Variants in TREX1 observed in about 807,000 individuals in gnomAD.
The protein encoded by TREX1 is three prime repair exonuclease 1.
In TREX1, 11 loss-of-function variants were observed where a neutral mutation model predicts 13.7. That is an observed-to-expected ratio of 0.80 (90% confidence interval 0.51 to 1.33). The LOEUF (loss-of-function observed/expected upper bound fraction) is 1.33. TREX1 is among the 40% of genes most tolerant of loss of function. The probability of loss-of-function intolerance (pLI) is 0.00; values close to 1 mark genes in which losing one functional copy is unlikely to be tolerated. For missense variants in TREX1, 409 were observed against 404.4 expected (o/e 1.01, Z -0.10); for synonymous variants, 178 against 178.8 (o/e 1.00, Z 0.03).
upstream of TREX1, chr3:48,466,078 C>T: frequency 2.7e-6 from 1 of 366,366 alleles, no homozygotes; most frequent in Non-Finnish European, 5.3e-6. Flanking sequence ...CAGGCCACAG[C>T]TGTGGATCTT....
At chr3:48,466,555 C>T (rs1228380287) in intron 1 of TREX1, 75 bp from the exon 2 acceptor site, 2 of 1,613,944 alleles carry the variant, frequency 1.2e-6, no homozygotes, top group South Asian at 2.2e-5. Flanking sequence ...TGCTTCTGCC[C>T]ACCCCCTACC....
chr3:48,466,891 C>T lies in TREX1; in HGVS notation c.236C>T (p.Pro79Leu), dbSNP rs549466141. 2 of 1,612,516 alleles carry T rather than the reference C, an allele frequency of 1.2e-6. No individual in the cohort carries two copies. The highest frequency in any genetic ancestry group is 1.1e-5 in the South Asian group (1 of 91,088). The change falls in exon 2 of 2, where the codon CCT becomes CTT. Residue 79 changes from proline to leucine, a missense_variant. Transcript: ENST00000625293. ...LCVAPGKACSPAASEITGLST... is the reference protein window; with the variant it reads ...LCVAPGKACSLAASEITGLST... Reference sequence around the variant, plus strand: ...GTGGCTCCGGGGAAGGCCTGCAGCCCTGCAGCCAGCGAGATCACAGGTCTG... The same window carrying T: ...GTGGCTCCGGGGAAGGCCTGCAGCCTTGCAGCCAGCGAGATCACAGGTCTG...
chr3:48,466,547 C>T, intron 1 of TREX1, 83 bp from the exon 2 acceptor site: 1 of 1,613,972 alleles, frequency 6.2e-7, no homozygotes, highest in Non-Finnish European at 8.5e-7. Flanking sequence ...CTGAGATGTG[C>T]TTCTGCCCAC....
chr3:48,466,611 A>C lies in TREX1; in HGVS notation c.-26-19A>C. 1 of 1,610,124 alleles carries C rather than the reference A, an allele frequency of 6.2e-7. No homozygotes were observed. The highest frequency in any genetic ancestry group is 8.5e-7 in the Non-Finnish European group (1 of 1,178,932). ...CTTAACACTGGGCACTCACACACCC[A>C]CCCCATGCTCCTCTCCAGGCTCAGC... On this transcript the variant is annotated intron_variant, in intron 1 of 1. Transcript: ENST00000625293.
At chr3:48,466,365 C>G (rs960951346) in intron 1 of TREX1, 56 bp downstream of exon 1, 6 of 1,335,032 alleles carry the variant, frequency 4.5e-6, no homozygotes, top group South Asian at 1.2e-5. Flanking sequence ...TGGGTTCCCC[C>G]ACCCCAGACT....
chr3:48,466,148 G>GT, upstream of TREX1: 1 of 458,758 alleles, frequency 2.2e-6, no homozygotes, highest in Non-Finnish European at 4.1e-6. Flanking sequence ...ACGGATGGTG[G>GT]TGAGAGGGAC....
rs574139084 is a variant in TREX1 at position 48,466,433 on chromosome 3, C to G, written c.-27+124C>G. ...GAAGAGGGAGACCCTCTCAGACAGTCGAATGTGCTGGTCCCACTAAGGAAA... is the reference window on the plus strand; with the variant it reads ...GAAGAGGGAGACCCTCTCAGACAGTGGAATGTGCTGGTCCCACTAAGGAAA... On this transcript the variant is annotated intron_variant, in intron 1 of 1. Transcript: ENST00000625293. 61 of 1,611,300 alleles carry G rather than the reference C, an allele frequency of 3.8e-5. No individual in the cohort carries two copies. In the Admixed American group the frequency reaches 5.7e-4, roughly 15 times the overall value.
chr3:48,467,296 C>T lies in TREX1; in HGVS notation c.641C>T (p.Ala214Val). ...AGCATCTGTCAGTGGAGACCACAGG[C>T]CCTGCTGCGGTGGGTGGATGCTCAC... ...LLSICQWRPQ[A>V]LLRWVDAHAR... Residue 214 changes from alanine to valine, a missense_variant, in exon 2 of 2, where the codon GCC (alanine) becomes GTC (valine). Physicochemically the swap from Ala to Val is moderately conservative, Grantham distance 64. Transcript: ENST00000625293. 1.2e-6 allele frequency: 2 copies of T among 1,614,200 alleles called. No individual in the cohort carries two copies. Among genetic ancestry groups the T allele is most frequent in the Non-Finnish European group, 1.7e-6 (2 of 1,180,044 alleles).
chr3:48,467,048 C>T lies in TREX1; in HGVS notation c.393C>T (p.Phe131=), dbSNP rs749667732. 1.9e-6 allele frequency: 3 copies of T among 1,613,994 alleles called. No homozygotes were observed. Among genetic ancestry groups the T allele is most frequent in the Non-Finnish European group, 2.5e-6 (3 of 1,180,044 alleles). ...LVAHNGDRYD[F]PLLQAELAML... ...CACACAATGGTGACCGCTACGACTTCCCCCTGCTCCAAGCAGAGCTGGCTA... is the reference window on the plus strand; with the variant it reads ...CACACAATGGTGACCGCTACGACTTTCCCCTGCTCCAAGCAGAGCTGGCTA... Residue 131 remains phenylalanine, a synonymous_variant, in exon 2 of 2, where the codon TTC becomes TTT. Coordinates refer to ENST00000625293, the MANE Select transcript of TREX1 (RefSeq NM_033629.6).
In TREX1 at chr3:48,467,420, C is replaced by G. The variant is rs756100305; in HGVS notation, c.765C>G (p.Ala255=). The G allele has an allele frequency of 1.9e-6, 3 of 1,614,212 alleles. No individual in the cohort carries two copies. The highest frequency in any genetic ancestry group is 2.2e-5 in the South Asian group (2 of 91,090). ...PSAVTTTAHL[A]TTRNTSPSLG... ...CTGTCACAACCACTGCACACCTGGCCACAACCAGGAACACTAGTCCCAGCC... is the reference window on the plus strand; with the variant it reads ...CTGTCACAACCACTGCACACCTGGCGACAACCAGGAACACTAGTCCCAGCC... Residue 255 remains alanine, a synonymous_variant, in exon 2 of 2, where the codon GCC becomes GCG. Transcript: ENST00000625293.
intron 1 of TREX1, 66 bp from the exon 2 acceptor site, chr3:48,466,564 C>T (rs1349468375): frequency 3.1e-6 from 5 of 1,613,320 alleles, no homozygotes; most frequent in Non-Finnish European, 4.2e-6. Flanking sequence ...CCACCCCCTA[C>T]CCCACTCCCT....
Position 48,466,778 on chromosome 3 carries a change from A to G in TREX1, c.123A>G (p.Arg41=). Residue 41 remains arginine, a synonymous_variant, in exon 2 of 2, where the codon AGA becomes AGG. Transcript: ENST00000625293. ...AGCTGTGCCTGCTGGCTGTCCACAG[A>G]TGTGCCCTGGAGAGCCCCCCCACCT... ...VTELCLLAVH[R]CALESPPTSQ... is the part of the protein sequence containing the mutation. 1 of 1,613,758 alleles carries G rather than the reference A, an allele frequency of 6.2e-7. No individual in the cohort carries two copies. The highest frequency in any genetic ancestry group is 8.5e-7 in the Non-Finnish European group (1 of 1,179,990).
At position 48,466,905 on chromosome 3, in the gene TREX1, A is replaced by C. The variant is rs775075513; in HGVS notation, c.250A>C (p.Ile84Leu). 2 of 1,611,968 alleles carry C rather than the reference A, an allele frequency of 1.2e-6. No homozygotes were observed. Among genetic ancestry groups the C allele is most frequent in the East Asian group, 2.2e-5 (1 of 44,896 alleles). The change falls in exon 2 of 2, where the codon ATC (isoleucine) becomes CTC (leucine). Residue 84 changes from isoleucine to leucine, a missense_variant. Ile to Leu is a conservative substitution (Grantham distance 5). Coordinates refer to ENST00000625293, the MANE Select transcript of TREX1 (RefSeq NM_033629.6). ...GGCCTGCAGCCCTGCAGCCAGCGAG[A>C]TCACAGGTCTGAGCACAGCTGTGCT... ...GKACSPAASE[I>L]TGLSTAVLAA...
In TREX1 at chr3:48,467,557, T is replaced by TA; in HGVS notation, c.903dup (p.Ala302SerfsTer23). On this transcript the variant is annotated frameshift_variant, in exon 2 of 2. Coordinates refer to ENST00000625293, the MANE Select transcript of TREX1 (RefSeq NM_033629.6). LOFTEE classifies it high-confidence loss of function. The stretch of plus-strand genomic sequence containing the variant: ...CTGCTGGCCATCCTGACCTTGGCAG[T>TA]AGCCACACTGTATGGACTATCCCTG... 6.2e-7 allele frequency: 1 copy of TA among 1,613,810 alleles called. No homozygotes were observed. The highest frequency in any genetic ancestry group is 8.5e-7 in the Non-Finnish European group (1 of 1,179,942).
In TREX1 at chr3:48,466,851, A is replaced by G; in HGVS notation, c.196A>G (p.Lys66Glu). The G allele has an allele frequency of 1.9e-6, 3 of 1,613,832 alleles. No individual in the cohort carries two copies. The highest frequency in any genetic ancestry group is 2.5e-6 in the Non-Finnish European group (3 of 1,180,012). ...TVPPPPRVVD[K>E]LSLCVAPGKA... ...TCCTCCACCACCGCGTGTGGTAGACAAGCTCTCCCTGTGTGTGGCTCCGGG... is the reference window on the plus strand; with the variant it reads ...TCCTCCACCACCGCGTGTGGTAGACGAGCTCTCCCTGTGTGTGGCTCCGGG... The change falls in exon 2 of 2, where the codon AAG becomes GAG. Residue 66 changes from lysine to glutamate, a missense_variant. By Grantham distance (56) the Lys-to-Glu change is moderately conservative (BLOSUM62 1). Coordinates refer to ENST00000625293, the MANE Select transcript of TREX1 (RefSeq NM_033629.6).
At position 48,466,974 on chromosome 3, in the gene TREX1, C is replaced by A; in HGVS notation, c.319C>A (p.Leu107Met). ...ATGTTTTGATGACAACCTGGCCAAC[C>A]TGCTCCTAGCCTTCCTGCGGCGCCA... ...RQCFDDNLAN[L>M]LLAFLRRQPQ... The change falls in exon 2 of 2, where the codon CTG becomes ATG. Residue 107 changes from leucine to methionine, a missense_variant. Coordinates refer to ENST00000625293, the MANE Select transcript of TREX1 (RefSeq NM_033629.6). 1.2e-6 allele frequency: 2 copies of A among 1,612,812 alleles called. No individual in the cohort carries two copies. The highest frequency in any genetic ancestry group is 1.7e-6 in the Non-Finnish European group (2 of 1,180,036).
rs1037405878 is a variant in TREX1 at position 48,467,633 on chromosome 3, C to T, written c.*33C>T. On this transcript the variant is annotated 3_prime_UTR_variant, in exon 2 of 2. Coordinates refer to ENST00000625293, the MANE Select transcript of TREX1 (RefSeq NM_033629.6). ...AGGAAAATCTGACGAATAAAGACCC[C>T]CGCTGCCCCATAGCACTGAGTGGTC... The T allele has an allele frequency of 1.3e-6, 2 of 1,598,170 alleles. No individual in the cohort carries two copies. The highest frequency in any genetic ancestry group is 1.7e-6 in the Non-Finnish European group (2 of 1,172,100).
intron 1 of TREX1, 49 bp from the exon 2 acceptor site, chr3:48,466,581 C>A: frequency 6.2e-7 from 1 of 1,613,808 alleles, no homozygotes; most frequent in Non-Finnish European, 8.5e-7. Context: ...CCCTCCCCTT[C>A]GGATCTTAAC....
In TREX1 at chr3:48,467,049, C is replaced by T. The variant is rs200510205; in HGVS notation, c.394C>T (p.Pro132Ser). Reference sequence around the variant, plus strand: ...ACACAATGGTGACCGCTACGACTTCCCCCTGCTCCAAGCAGAGCTGGCTAT... The same window carrying T: ...ACACAATGGTGACCGCTACGACTTCTCCCTGCTCCAAGCAGAGCTGGCTAT... ...VAHNGDRYDF[P>S]LLQAELAMLG... Residue 132 changes from proline (P) to serine (S), a missense_variant, in exon 2 of 2, where the codon CCC (proline) becomes TCC (serine). By Grantham distance (74) the Pro-to-Ser change is moderately conservative. Coordinates refer to ENST00000625293, the MANE Select transcript of TREX1 (RefSeq NM_033629.6). 5 of 1,613,874 alleles carry T rather than the reference C, an allele frequency of 3.1e-6. No individual in the cohort carries two copies. The highest frequency in any genetic ancestry group is 2.7e-5 in the African/African-American group (2 of 74,940).
Sources: gnomAD v4.1 joint callset for allele counts on GRCh38, gnomAD v4.1.1 for gene constraint, MANE v1.5 for transcripts, NCBI Gene and HGNC (gene_info 2026-07-23, HGNC 2026-07-21) for gene names.